HYDIN: variants seen among roughly 807,000 people sequenced by gnomAD.
HYDIN encodes the protein HYDIN axonemal central pair apparatus protein, also known as axonemal central pair apparatus protein HYDIN.
HYDIN carries 132 observed loss-of-function variants against 403.9 expected under a neutral mutation model. The ratio of observed to expected loss-of-function variants is 0.33; its 90% CI spans 0.28 to 0.38. The LOEUF (loss-of-function observed/expected upper bound fraction) is 0.38, where lower values mean the gene tolerates loss of function less well. Among genes scored for constraint, HYDIN ranks in the 10% least tolerant of loss-of-function variants. HYDIN has a pLI of 1.00. For missense variants in HYDIN, 2,827 were observed against 5,009.5 expected (o/e 0.56, Z 13.15); for synonymous variants, 1,202 against 1,891.7 (o/e 0.64, Z 9.46).
At chr16:70,834,579 G>T (rs952927001) in intron 78 of HYDIN, among the ~76,000 whole-genome samples, 1 of 152,012 alleles carries the variant, frequency 6.6e-6, no homozygotes, top group African/African-American at 2.4e-5. Context: ...TGGGTGCCGT[G>T]GCTCACGCCT....
intron 9 of HYDIN, among the ~76,000 whole-genome samples, chr16:71,125,437 T>A (rs544254204): frequency 5.1e-4 from 78 of 152,350 alleles, no homozygotes; most frequent in Non-Finnish European, 1.0e-3. Context: ...CAAATGAGGA[T>A]AAGGACCTCC....
intron 6 of HYDIN, among the ~76,000 whole-genome samples, chr16:71,157,262 G>A (rs564955713): frequency 4.6e-5 from 7 of 150,830 alleles, no homozygotes; most frequent in East Asian, 3.9e-4. Context: ...TTATTTCAAC[G>A]AGAAAAGGAT....
chr16:70,942,051 C>T (rs1363733598), intron 42 of HYDIN, among the ~76,000 whole-genome samples: 5 of 135,742 alleles, frequency 3.7e-5, no homozygotes, highest in East Asian at 2.2e-4. Flanking sequence ...GAGTCTCCCT[C>T]GGTCACTCCA....
intron 19 of HYDIN, among the ~76,000 whole-genome samples, chr16:71,031,082 C>T (rs2080890635): frequency 6.7e-6 from 1 of 149,974 alleles, no homozygotes; most frequent in East Asian, 2.0e-4. Context: ...CACCTGTAGT[C>T]CCAGCTACTT....
At chr16:70,867,073 T>C (rs1847597) in intron 66 of HYDIN, among the ~76,000 whole-genome samples, 1,725 of 131,178 alleles carry the variant, frequency 0.013, no homozygotes, top group African/African-American at 0.027. Flanking sequence ...TTGGTAAGGA[T>C]ATTTGCAGAC....
chr16:71,003,798 CAAA>C (rs56343756), intron 23 of HYDIN, among the ~76,000 whole-genome samples: 1 of 121,034 alleles, frequency 8.3e-6, no homozygotes, highest in Non-Finnish European at 1.8e-5. Context: ...GACTCCATCT[CAAA>C]AAAAAAAAAA....
chr16:71,038,483 A>T (rs375938789), intron 18 of HYDIN, among the ~76,000 whole-genome samples: 37 of 151,976 alleles, frequency 2.4e-4, no homozygotes, highest in African/African-American at 8.9e-4. Context: ...TCTTCCAAAT[A>T]ACTCATTTGC....
At chr16:70,922,961 T>C in intron 45 of HYDIN, among the ~76,000 whole-genome samples, 1 of 151,818 alleles carries the variant, frequency 6.6e-6, no homozygotes, top group African/African-American at 2.4e-5. Flanking sequence ...AGAGACACAG[T>C]TTTGCCATGT....
chr16:71,019,481 C>G (rs1285049330), intron 22 of HYDIN, among the ~76,000 whole-genome samples: 1 of 152,310 alleles, frequency 6.6e-6, no homozygotes, highest in Non-Finnish European at 1.5e-5. Context: ...AAAGCCAGGC[C>G]AGCCACTGGG....
chr16:70,837,919 C>T, intron 76 of HYDIN, 31 bp from the exon 77 acceptor site: 4 of 1,596,864 alleles, frequency 2.5e-6, no homozygotes, highest in South Asian at 2.2e-5. Context: ...GAGGCGTAAG[C>T]TCCAAGAAGT....
chr16:70,807,993 C>T lies in HYDIN; in HGVS notation c.14953G>A (p.Ala4985Thr). 2.5e-6 allele frequency: 4 copies of T among 1,614,120 alleles called. No individual in the cohort carries two copies. Among genetic ancestry groups the T allele is most frequent in the Non-Finnish European group, 3.4e-6 (4 of 1,180,012 alleles). Residue 4985 changes from alanine (A) to threonine (T), a missense_variant, in exon 86 of 86, where the codon GCC (alanine) becomes ACC (threonine). By Grantham distance (58) the Ala-to-Thr change is moderately conservative (BLOSUM62 0). Coordinates refer to ENST00000393567, the MANE Select transcript of HYDIN (RefSeq NM_001270974.2). ...GGCTCGAATAAGACTTCCACACTGG[C>T]TTCAGTGCCTCCCTGGCCTCCTGGG... Reference protein sequence around the residue: ...AAPGGQGGTEASVEVLFEPSH... With the variant: ...AAPGGQGGTETSVEVLFEPSH...
At chr16:70,900,697 G>A (rs1280845594) in intron 53 of HYDIN, among the ~76,000 whole-genome samples, 1 of 150,570 alleles carries the variant, frequency 6.6e-6, no homozygotes, top group African/African-American at 2.5e-5. Flanking sequence ...CCTAGGTATA[G>A]CAACACCATT....
intron 37 of HYDIN, among the ~76,000 whole-genome samples, chr16:70,963,980 G>T (rs2078495183): frequency 8.0e-6 from 1 of 125,314 alleles, no homozygotes. Context: ...ACAGATGAAA[G>T]CAAGTAAAAA....
intron 9 of HYDIN, among the ~76,000 whole-genome samples, chr16:71,126,741 G>A (rs2144504232): frequency 6.6e-6 from 1 of 152,288 alleles, no homozygotes; most frequent in African/African-American, 2.4e-5. Context: ...CTTTGTTTTT[G>A]TAATTTTCCC....
intron 1 of HYDIN, among the ~76,000 whole-genome samples, chr16:71,210,671 T>A (rs1351816322): frequency 6.6e-6 from 1 of 152,100 alleles, no homozygotes; most frequent in Admixed American, 6.6e-5. Flanking sequence ...GTTAAGATAT[T>A]TAAAAAAACA....
intron 50 of HYDIN, among the ~76,000 whole-genome samples, chr16:70,905,776 G>A (rs1416225235): frequency 2.0e-5 from 3 of 151,634 alleles, no homozygotes; most frequent in Non-Finnish European, 4.4e-5. Flanking sequence ...TAATTCCAAT[G>A]CTGCCCCAAA....
At chr16:71,097,660 C>T in intron 10 of HYDIN, among the ~76,000 whole-genome samples, 1 of 143,644 alleles carries the variant, frequency 7.0e-6, no homozygotes, top group Non-Finnish European at 1.5e-5. Context: ...TTCTTTCTCT[C>T]CACATTCTCC....
intron 23 of HYDIN, among the ~76,000 whole-genome samples, chr16:71,010,528 A>G (rs1304455165): frequency 1.3e-5 from 2 of 151,614 alleles, no homozygotes; most frequent in African/African-American, 4.9e-5. Flanking sequence ...AATTTCTTCA[A>G]TAACAAAGCG....
intron 45 of HYDIN, among the ~76,000 whole-genome samples, chr16:70,933,380 G>T (rs1041472452): frequency 2.7e-4 from 40 of 146,290 alleles, no homozygotes; most frequent in Non-Finnish European, 5.3e-4. Context: ...CAGCATAGAT[G>T]ATGAGCTTGG....
Sources: gnomAD v4.1 joint callset for allele counts (sites outside exome capture counted in the v4.1 genomes callset) on GRCh38, gnomAD v4.1.1 for gene constraint, MANE v1.5 for transcripts, NCBI Gene and HGNC (gene_info 2026-07-23, HGNC 2026-07-21) for gene names.